The following PCDHA10 variants were observed in gnomAD, a reference collection of about 807,000 sequenced individuals.
The protein encoded by PCDHA10 is protocadherin alpha-10.
Under a neutral mutation model 61.2 loss-of-function variants are expected in PCDHA10, and 45 were observed. That is an observed-to-expected ratio of 0.74 (90% CI 0.58 to 0.94). The LOEUF (loss-of-function observed/expected upper bound fraction) is 0.94. Among genes scored for constraint, PCDHA10 ranks in the 40% least tolerant of loss-of-function variants. The pLI, the probability that PCDHA10 is intolerant of heterozygous loss-of-function variation, is 0.00. For synonymous variants in PCDHA10, 602 were observed against 548.8 expected (o/e 1.10, Z -1.35); for missense variants, 1,278 against 1,236.2 (o/e 1.03, Z -0.51).
chr5:140,967,935 A>G (rs186453952), intron 1 of PCDHA10: 13 of 1,614,214 alleles, frequency 8.1e-6, no homozygotes, highest in South Asian at 4.4e-5. Flanking sequence ...CTCAGTGTCA[A>G]TGACCAAGAC....
chr5:140,870,935 A>C, intron 1 of PCDHA10: 2 of 1,613,778 alleles, frequency 1.2e-6, no homozygotes, highest in African/African-American at 2.7e-5. Context: ...TATGAATTGC[A>C]GCCGGCGGCG....
chr5:140,856,168 C>T lies in PCDHA10; in HGVS notation c.120C>T (p.His40=), dbSNP rs781959235. Residue 40 remains histidine, a synonymous_variant, in exon 1 of 4, where the codon CAC becomes CAT. Transcript: ENST00000307360. ...LHYSVYEEAR[H]GTFVGRIAQD... ...ACTCAGTCTACGAGGAGGCCAGACA[C>T]GGCACCTTCGTGGGCCGCATCGCGC... 25 of 1,598,198 alleles carry T rather than the reference C, an allele frequency of 1.6e-5. 4 individuals carry two copies. The highest frequency in any genetic ancestry group is 2.1e-5 in the Non-Finnish European group (24 of 1,167,912).
chr5:140,884,506 G>T (rs10076265), intron 1 of PCDHA10: 2 of 1,614,054 alleles, frequency 1.2e-6, no homozygotes, highest in Admixed American at 3.3e-5. Flanking sequence ...GCGCGGCAGG[G>T]AGTTGGTCGT....
intron 1 of PCDHA10, among the ~76,000 whole-genome samples, chr5:140,901,805 T>G (rs115665679): frequency 0.012 from 1,857 of 152,304 alleles, 44 homozygotes; most frequent in African/African-American, 0.042. Context: ...TGAACATTTT[T>G]ACAATATTGA....
At chr5:140,982,252 C>A in intron 2 of PCDHA10, 2 of 770,940 alleles carry the variant, frequency 2.6e-6, no homozygotes, top group South Asian at 2.6e-5. Flanking sequence ...AAAGATAGAA[C>A]ATGTGTGTTC....
Position 140,856,399 on chromosome 5 carries a change from T to A in PCDHA10, c.351T>A (p.His117Gln). ...TGGACAGGCCGCTGCAGGTTTTCCATGTGGACGTGGAAGTGAAGGACATTA... is the reference window on the plus strand; with the variant it reads ...TGGACAGGCCGCTGCAGGTTTTCCAAGTGGACGTGGAAGTGAAGGACATTA... ...VIVDRPLQVF[H>Q]VDVEVKDIND... Residue 117 changes from histidine to glutamine, a missense_variant, in exon 1 of 4, where the codon CAT becomes CAA. Physicochemically the swap from His to Gln is conservative, Grantham distance 24. Coordinates refer to ENST00000307360, the MANE Select transcript of PCDHA10 (RefSeq NM_018901.4). 1 of 1,598,492 alleles carries A rather than the reference T, an allele frequency of 6.3e-7. No homozygotes were observed. Among genetic ancestry groups the A allele is most frequent in the Admixed American group, 1.7e-5 (1 of 59,250 alleles).
At chr5:140,875,241 A>G (rs1176870557) in intron 1 of PCDHA10, 27 of 935,126 alleles carry the variant, frequency 2.9e-5, no homozygotes, top group Non-Finnish European at 3.8e-5. Context: ...TTGTACTTAC[A>G]TAATCAGTCA....
At chr5:140,877,535 A>T in intron 1 of PCDHA10, 1 of 1,613,750 alleles carries the variant, frequency 6.2e-7, no homozygotes, top group Admixed American at 1.7e-5. Flanking sequence ...GGCGCTGTGG[A>T]TCCCGAAGCG....
intron 1 of PCDHA10, among the ~76,000 whole-genome samples, chr5:140,895,520 A>G (rs1053295495): frequency 6.6e-6 from 1 of 152,116 alleles, no homozygotes; most frequent in South Asian, 2.1e-4. Context: ...TAATTGGTTT[A>G]TTCGTTTTTC....
intron 3 of PCDHA10, among the ~76,000 whole-genome samples, chr5:140,997,668 T>TTGTGTGTGTGTGTG (rs35184029): frequency 1.7e-4 from 25 of 148,344 alleles, no homozygotes; most frequent in African/African-American, 6.2e-4. Flanking sequence ...ATTATACAGC[T>TTGTGTGTGTGTGTG]TGTGTGTGTG....
chr5:140,953,476 G>A (rs1554220931), intron 1 of PCDHA10, among the ~76,000 whole-genome samples: 2 of 152,088 alleles, frequency 1.3e-5, no homozygotes. Flanking sequence ...ACTTCCTCAT[G>A]CTGTGTCACA....
At chr5:140,896,864 G>A (rs1223708211) in intron 1 of PCDHA10, among the ~76,000 whole-genome samples, 1 of 152,088 alleles carries the variant, frequency 6.6e-6, no homozygotes, top group Admixed American at 6.5e-5. Flanking sequence ...CATAATAAGT[G>A]TACATATTTA....
At chr5:141,006,662 G>A (rs1198129323) in intron 3 of PCDHA10, among the ~76,000 whole-genome samples, 1 of 152,192 alleles carries the variant, frequency 6.6e-6, no homozygotes, top group Admixed American at 6.5e-5. Context: ...TCCTGAAAGA[G>A]TGGTGGCAGT....
At chr5:140,921,285 T>G (rs1275527554) in intron 1 of PCDHA10, among the ~76,000 whole-genome samples, 1 of 152,180 alleles carries the variant, frequency 6.6e-6, no homozygotes. Context: ...GAAAAAAACC[T>G]CAAATTTGCT....
At chr5:140,983,992 C>A (rs2097080247) in intron 3 of PCDHA10, among the ~76,000 whole-genome samples, 1 of 152,200 alleles carries the variant, frequency 6.6e-6, no homozygotes, top group Non-Finnish European at 1.5e-5. Flanking sequence ...TGAAGCAATT[C>A]ATTAGAGAGC....
chr5:140,867,480 G>T (rs1447452971), intron 1 of PCDHA10: 1 of 152,028 alleles, frequency 6.6e-6, no homozygotes, highest in African/African-American at 2.4e-5. Context: ...TGGGAAAAGA[G>T]TAAATATGAA....
chr5:140,966,917 G>T, intron 1 of PCDHA10: 1 of 1,602,580 alleles, frequency 6.2e-7, no homozygotes, highest in Non-Finnish European at 8.5e-7. Context: ...TGTGCCAGAG[G>T]AGCAGGCACC....
chr5:141,000,192 T>C lies in PCDHA10; in HGVS notation c.2537-9435T>C, dbSNP rs112948047. 6.4e-3 allele frequency among the ~76,000 whole-genome samples: 968 copies of C among 151,888 alleles called. 13 individuals carry two copies. Among genetic ancestry groups the C allele is most frequent in the African/African-American group, 0.023 (941 of 41,384 alleles). ...TTGAGCCAAGGAGTCAATGTGAGAA[T>C]AGTTTTTCACCTTCATTATCAAATG... On this transcript the variant is annotated intron_variant, in intron 3 of 3. Coordinates refer to ENST00000307360, the MANE Select transcript of PCDHA10 (RefSeq NM_018901.4).
rs1554229126 is a variant in PCDHA10 at position 140,967,062 on chromosome 5, T to C, written c.2389-11887T>C. 3 of 1,612,916 alleles carry C rather than the reference T, an allele frequency of 1.9e-6. No individual in the cohort carries two copies. In the Admixed American group the frequency reaches 5.0e-5, roughly 27 times the overall value. ...GAGCTGGACCTGACGAGTGGAGCGC[T>C]CTTCGTCAACGAGCGCATTGATCGG... On this transcript the variant is annotated intron_variant, in intron 1 of 3. Transcript: ENST00000307360.
Sources: allele counts gnomAD v4.1 joint callset (sites outside exome capture counted in the v4.1 genomes callset), GRCh38; gene constraint gnomAD v4.1.1; transcripts MANE v1.5; gene names NCBI Gene and HGNC (gene_info 2026-07-23, HGNC 2026-07-21).